The following ERCC6 variants were observed in gnomAD, a reference collection of about 807,000 sequenced individuals.
The protein encoded by ERCC6 is DNA excision repair protein ERCC-6.
A neutral mutation model predicts 158.7 loss-of-function variants in ERCC6; 116 were observed. The observed-to-expected ratio is 0.73, with a 90% CI of 0.63 to 0.85. The LOEUF (loss-of-function observed/expected upper bound fraction) is 0.85. Among genes scored for constraint, ERCC6 ranks in the 40% least tolerant of loss-of-function variants. The pLI is 0.00. For synonymous variants in ERCC6, 678 were observed against 659.3 expected, an observed-to-expected ratio of 1.03 and a Z score of -0.43; for missense variants, 1,698 against 1,799.4, an observed-to-expected ratio of 0.94 and a Z score of 1.02.
chr10:49,483,107 T>C (rs548020389), intron 9 of ERCC6, among the ~76,000 whole-genome samples: 1 of 152,276 alleles, frequency 6.6e-6, no homozygotes, highest in Non-Finnish European at 1.5e-5. Flanking sequence ...TTGGGTTTGG[T>C]TACATTCTAA....
intron 1 of ERCC6, among the ~76,000 whole-genome samples, chr10:49,534,808 G>A (rs886629230): frequency 6.6e-6 from 1 of 152,180 alleles, no homozygotes; most frequent in South Asian, 2.1e-4. Context: ...TCTGTTAAAT[G>A]ACAAGTTCCC....
At chr10:49,479,858 T>C (rs1056753531) in intron 10 of ERCC6, among the ~76,000 whole-genome samples, 8 of 152,262 alleles carry the variant, frequency 5.3e-5, no homozygotes, top group South Asian at 4.1e-4. Context: ...AGTCTGTTCC[T>C]CTATTCATAA....
chr10:49,506,315 G>A, intron 5 of ERCC6: 1 of 384,138 alleles, frequency 2.6e-6, no homozygotes, highest in South Asian at 3.1e-5. Context: ...TTTCTCTGCT[G>A]GTTCGTAAGA....
the ERCC6 span, among the ~76,000 whole-genome samples, chr10:49,448,844 T>C: frequency 6.6e-6 from 1 of 152,240 alleles, no homozygotes; most frequent in Non-Finnish European, 1.5e-5. Context: ...TAATATTCCA[T>C]TGTATAGATA....
chr10:49,474,342 A>G, intron 12 of ERCC6, 100 bp from the exon 13 acceptor site: 4 of 875,630 alleles, frequency 4.6e-6, no homozygotes, highest in Non-Finnish European at 7.6e-6. Context: ...ACTAAAAAAC[A>G]GTTCTCCACC....
intron 1 of ERCC6, among the ~76,000 whole-genome samples, chr10:49,537,857 G>C (rs1205502321): frequency 6.6e-6 from 1 of 152,140 alleles, no homozygotes; most frequent in African/African-American, 2.4e-5. Context: ...CGATTAGCTG[G>C]GATTACAGGC....
At chr10:49,516,969 G>T in intron 5 of ERCC6, 1 of 1,614,094 alleles carries the variant, frequency 6.2e-7, no homozygotes, top group South Asian at 1.1e-5. Context: ...ATTATTTATT[G>T]TTCCACCTTC....
Position 49,470,605 on chromosome 10 carries a change from C to G in ERCC6, c.3355G>C (p.Glu1119Gln). ...CCATTTCCACTAATCACTGACAACT[C>G]TTCTGGTCCAGATACTGCATTTGTC... is the stretch of plus-strand genomic sequence containing the variant. ...EETNAVSGPE[E>Q]LSVISGNGEC... is the part of the protein sequence containing the mutation. The change falls in exon 18 of 21, where the codon GAG (glutamate) becomes CAG (glutamine). Residue 1119 changes from glutamate (E) to glutamine (Q), a missense_variant. Transcript: ENST00000355832. 1.2e-6 allele frequency: 2 copies of G among 1,613,968 alleles called. No individual in the cohort carries two copies. The highest frequency in any genetic ancestry group is 1.7e-6 in the Non-Finnish European group (2 of 1,179,894).
At chr10:49,479,015 T>G (rs1181503343) in intron 10 of ERCC6, among the ~76,000 whole-genome samples, 1 of 152,022 alleles carries the variant, frequency 6.6e-6, no homozygotes, top group African/African-American at 2.4e-5. Context: ...ACAAGAGCCC[T>G]CTGATCCCAG....
the ERCC6 span, among the ~76,000 whole-genome samples, chr10:49,440,213 T>C: frequency 1.3e-5 from 2 of 152,244 alleles, no homozygotes; most frequent in African/African-American, 4.8e-5. Flanking sequence ...AGAGGTTTAA[T>C]TGGACTTACA....
At chr10:49,490,128 G>C (rs1042502812) in intron 8 of ERCC6, among the ~76,000 whole-genome samples, 1 of 152,142 alleles carries the variant, frequency 6.6e-6, no homozygotes, top group Admixed American at 6.5e-5. Flanking sequence ...TTCTTTATCA[G>C]ATTTCATCAT....
intron 18 of ERCC6, among the ~76,000 whole-genome samples, chr10:49,467,349 G>A (rs907126049): frequency 6.6e-6 from 1 of 152,168 alleles, no homozygotes; most frequent in African/African-American, 2.4e-5. Flanking sequence ...GCGTGTATGA[G>A]ACCCAACTGC....
chr10:49,442,196 T>A, the ERCC6 span, among the ~76,000 whole-genome samples: 1 of 152,190 alleles, frequency 6.6e-6, no homozygotes, highest in South Asian at 2.1e-4. Flanking sequence ...ATCACTGTCC[T>A]CCAAACGACA....
chr10:49,525,127 G>A, intron 4 of ERCC6: 2 of 286,332 alleles, frequency 7.0e-6, no homozygotes, highest in Non-Finnish European at 1.3e-5. Flanking sequence ...TCGTCCATGA[G>A]GAAGCAAGCT....
At chr10:49,484,095 A>G (rs1041935693) in intron 8 of ERCC6, among the ~76,000 whole-genome samples, 1 of 151,692 alleles carries the variant, frequency 6.6e-6, no homozygotes, top group Non-Finnish European at 1.5e-5. Context: ...CCTACGCAAC[A>G]TGGTGAAAGC....
At chr10:49,449,586 T>TTTTTTG (rs1850396145), downstream of ERCC6, among the ~76,000 whole-genome samples, 1 of 87,886 alleles carries the variant, frequency 1.1e-5, no homozygotes, top group African/African-American at 3.5e-5. Flanking sequence ...TTTTTTTTTT[T>TTTTTTG]GAGACAGAGT....
Position 49,458,780 on chromosome 10 carries a change from A to G in ERCC6, c.*35T>C. 2 of 1,605,760 alleles carry G rather than the reference A, an allele frequency of 1.2e-6. No individual in the cohort carries two copies. Among genetic ancestry groups the G allele is most frequent in the East Asian group, 2.2e-5 (1 of 44,854 alleles). ...ATTAATAATCAGAAATGCCCGTTAG[A>G]AAAAGGGACTTGAAAGTTTAGGAAG... On this transcript the variant is annotated 3_prime_UTR_variant, in exon 21 of 21. Coordinates refer to ENST00000355832, the MANE Select transcript of ERCC6 (RefSeq NM_000124.4).
At chr10:49,440,047 C>T in the ERCC6 span, among the ~76,000 whole-genome samples, 1 of 152,180 alleles carries the variant, frequency 6.6e-6, no homozygotes, top group Non-Finnish European at 1.5e-5. Flanking sequence ...TCTGAGCCTT[C>T]CAAACTGTTC....
chr10:49,444,783 A>G, the ERCC6 span, among the ~76,000 whole-genome samples: 1 of 152,204 alleles, frequency 6.6e-6, no homozygotes, highest in African/African-American at 2.4e-5. Context: ...TTCCCAATTT[A>G]TTTTCCAAGA....
Sources: gnomAD v4.1 joint callset for allele counts (sites outside exome capture counted in the v4.1 genomes callset) on GRCh38, gnomAD v4.1.1 for gene constraint, MANE v1.5 for transcripts, NCBI Gene and HGNC (gene_info 2026-07-23, HGNC 2026-07-21) for gene names.